Variants in LRP1B observed in about 807,000 individuals in gnomAD.
The protein encoded by LRP1B is LDL receptor related protein 1B.
A neutral mutation model predicts 556.6 loss-of-function variants in LRP1B; 217 were observed. The ratio of observed to expected loss-of-function variants is 0.39; its 90% CI spans 0.35 to 0.44. The LOEUF (loss-of-function observed/expected upper bound fraction) is 0.44, where lower values mean the gene tolerates loss of function less well. LRP1B is among the 20% of genes least tolerant of loss of function. The probability of loss-of-function intolerance (pLI) is 1.00; values close to 1 mark genes in which losing one functional copy is unlikely to be tolerated. For missense variants in LRP1B, 5,053 were observed against 5,620.8 expected (o/e 0.90, Z 3.23); for synonymous variants, 2,047 against 1,865.8 (o/e 1.10, Z -2.50).
chr2:141,764,726 TAC>T (rs1386670134), intron 2 of LRP1B, among the ~76,000 whole-genome samples: 1 of 151,960 alleles, frequency 6.6e-6, no homozygotes, highest in Non-Finnish European at 1.5e-5. Flanking sequence ...AGCTTAATAA[TAC>T]AGTTTGTTTA....
At chr2:141,515,300 C>G (rs62167932) in intron 2 of LRP1B, among the ~76,000 whole-genome samples, 2 of 111,776 alleles carry the variant, frequency 1.8e-5, no homozygotes, top group Non-Finnish European at 3.7e-5. Context: ...GGAACTCCGT[C>G]AAAAGAAAAA....
chr2:141,009,691 T>C lies in LRP1B; in HGVS notation c.2380+3865A>G, dbSNP rs374560273. On this transcript the variant is annotated intron_variant, in intron 14 of 90. Coordinates refer to ENST00000389484, the MANE Select transcript of LRP1B (RefSeq NM_018557.3). ...TCTGTTATACTAGTCCTGTGTAATC[T>C]AAAATCTCTAAATCCTGGATTCTAT... is the stretch of plus-strand genomic sequence containing the variant. Among the ~76,000 whole-genome samples, 25 of 152,106 alleles carry C rather than the reference T, an allele frequency of 1.6e-4. No homozygotes were observed. In the South Asian group the frequency reaches 5.2e-3, roughly 32 times the overall value.
chr2:141,467,998 G>A (rs1467291326), intron 3 of LRP1B, among the ~76,000 whole-genome samples: 1 of 151,934 alleles, frequency 6.6e-6, no homozygotes. Context: ...TCAAGTGACT[G>A]GATAGAAGTA....
At chr2:140,736,152 A>T (rs1687938302) in intron 35 of LRP1B, among the ~76,000 whole-genome samples, 1 of 152,122 alleles carries the variant, frequency 6.6e-6, no homozygotes, top group Non-Finnish European at 1.5e-5. Context: ...TGAGGGAAGG[A>T]AGTAGAGATG....
intron 21 of LRP1B, among the ~76,000 whole-genome samples, chr2:140,914,865 T>C (rs975222549): frequency 1.3e-4 from 20 of 152,006 alleles, no homozygotes; most frequent in African/African-American, 3.9e-4. Context: ...GCAGTACTAG[T>C]AGTGAAAAGT....
At chr2:140,420,907 G>T (rs934614239) in intron 66 of LRP1B, among the ~76,000 whole-genome samples, 4 of 152,002 alleles carry the variant, frequency 2.6e-5, no homozygotes, top group East Asian at 1.9e-4. Flanking sequence ...TGTGTAGAGG[G>T]TTTCATGGGT....
At chr2:141,705,255 T>A (rs997038871) in intron 2 of LRP1B, among the ~76,000 whole-genome samples, 3 of 152,016 alleles carry the variant, frequency 2.0e-5, no homozygotes, top group Admixed American at 2.0e-4. Flanking sequence ...ATTTCTGCTA[T>A]GTCATTTTGA....
intron 41 of LRP1B, among the ~76,000 whole-genome samples, chr2:140,611,566 T>C (rs1348695867): frequency 6.6e-6 from 1 of 152,062 alleles, no homozygotes; most frequent in African/African-American, 2.4e-5. Context: ...TGGTTGTTTA[T>C]CATCAAGTTT....
intron 84 of LRP1B, 151 bp from the exon 85 acceptor site, chr2:140,274,749 C>A (rs13029009): frequency 4.8e-6 from 3 of 623,184 alleles, no homozygotes; most frequent in Non-Finnish European, 8.1e-6. Flanking sequence ...AAGTAGAATT[C>A]TTTAATAATG....
intron 1 of LRP1B, among the ~76,000 whole-genome samples, chr2:141,998,362 C>T (rs1702557753): frequency 6.6e-6 from 1 of 151,992 alleles, no homozygotes; most frequent in African/African-American, 2.4e-5. Context: ...ATGCTATTAC[C>T]AGACAAAATT....
At chr2:142,089,911 T>C (rs568429935) in intron 1 of LRP1B, among the ~76,000 whole-genome samples, 1 of 152,284 alleles carries the variant, frequency 6.6e-6, no homozygotes, top group South Asian at 2.1e-4. Flanking sequence ...TTATCCAGTT[T>C]TGGTTTTATC....
Position 140,598,618 on chromosome 2 carries a change from C to T in LRP1B, c.7194+13G>A, listed in dbSNP as rs561766371. The T allele has an allele frequency of 1.3e-5, 20 of 1,596,880 alleles. No homozygotes were observed. In the African/African-American group the frequency reaches 2.0e-4, roughly 16 times the overall value. ...GTATAACTCTATAACCAAGAAATTC[C>T]TGATTAACTTACATGTCTCTGGGAT... is the stretch of plus-strand genomic sequence containing the variant. On this transcript the variant is annotated intron_variant, in intron 43 of 90. Coordinates refer to ENST00000389484, the MANE Select transcript of LRP1B (RefSeq NM_018557.3).
chr2:141,112,021 G>C (rs1700765638), intron 7 of LRP1B, among the ~76,000 whole-genome samples: 1 of 150,956 alleles, frequency 6.6e-6, no homozygotes, highest in Non-Finnish European at 1.5e-5. Flanking sequence ...ACTCCAGCCT[G>C]GGCAACAGAG....
intron 7 of LRP1B, among the ~76,000 whole-genome samples, chr2:141,156,180 C>T (rs1419056426): frequency 6.6e-6 from 1 of 152,170 alleles, no homozygotes; most frequent in African/African-American, 2.4e-5. Flanking sequence ...TCTCTCTCTA[C>T]CTAACTGCCT....
chr2:140,553,429 A>ACACT (rs1486200214), intron 43 of LRP1B, among the ~76,000 whole-genome samples: 1 of 151,476 alleles, frequency 6.6e-6, no homozygotes, highest in Admixed American at 6.6e-5. Context: ...CTTAACACAC[A>ACACT]CACACACACA....
intron 41 of LRP1B, among the ~76,000 whole-genome samples, chr2:140,664,637 C>T (rs1287724383): frequency 1.3e-5 from 2 of 151,964 alleles, no homozygotes; most frequent in African/African-American, 4.8e-5. Context: ...AATATTTCAT[C>T]ATAATATAAA....
intron 7 of LRP1B, among the ~76,000 whole-genome samples, chr2:141,166,435 C>T (rs1211670373): frequency 6.9e-6 from 1 of 144,670 alleles, no homozygotes; most frequent in Non-Finnish European, 1.5e-5. Context: ...TAATGGGGTA[C>T]TTGAGATATT....
Position 141,996,555 on chromosome 2 carries a change from A to G in LRP1B, c.82+134093T>C, listed in dbSNP as rs549935959. Among the ~76,000 whole-genome samples the G allele has an allele frequency of 9.8e-5, 15 of 152,354 alleles. No individual in the cohort carries two copies. In the South Asian group the frequency reaches 2.5e-3, roughly 25 times the overall value. Reference sequence around the variant, plus strand: ...CCATTGAGAGCCTTTATTTTCAGTTACATTATTCCCATCTGCACAGGATAT... The same window carrying G: ...CCATTGAGAGCCTTTATTTTCAGTTGCATTATTCCCATCTGCACAGGATAT... On this transcript the variant is annotated intron_variant, in intron 1 of 90. Coordinates refer to ENST00000389484, the MANE Select transcript of LRP1B (RefSeq NM_018557.3).
chr2:140,601,644 T>C lies in LRP1B; in HGVS notation c.6800-5A>G. 2 of 1,553,722 alleles carry C rather than the reference T, an allele frequency of 1.3e-6. No individual in the cohort carries two copies. Among genetic ancestry groups the C allele is most frequent in the Non-Finnish European group, 1.7e-6 (2 of 1,146,220 alleles). The stretch of plus-strand genomic sequence containing the variant: ...GTCCTTCCACAGAACCCACATCTAG[T>C]GGGGGAAGAAAAAGAAAAAATATAT... On this transcript the variant is annotated splice_region_variant and splice_polypyrimidine_tract_variant and intron_variant, in intron 41 of 90. Transcript: ENST00000389484.
Sources: allele counts gnomAD v4.1 joint callset (sites outside exome capture counted in the v4.1 genomes callset), GRCh38; gene constraint gnomAD v4.1.1; transcripts MANE v1.5; gene names NCBI Gene and HGNC (gene_info 2026-07-23, HGNC 2026-07-21).